Variants in NLGN1 observed in about 807,000 individuals in gnomAD.
NLGN1 encodes neuroligin-1.
Under a neutral mutation model 65.5 loss-of-function variants are expected in NLGN1, and 12 were observed. The ratio of observed to expected loss-of-function variants is 0.18; its 90% CI spans 0.12 to 0.30. The LOEUF (loss-of-function observed/expected upper bound fraction) is 0.30. NLGN1 is among the 10% of genes least tolerant of loss of function. The pLI, the probability that NLGN1 is intolerant of heterozygous loss-of-function variation, is 1.00. For missense variants in NLGN1, 750 were observed against 1,007.1 expected (o/e 0.74, Z 3.46); for synonymous variants, 350 against 359.5 (o/e 0.97, Z 0.30).
At chr3:173,625,334 C>T (rs886474148) in intron 3 of NLGN1, among the ~76,000 whole-genome samples, 2 of 152,038 alleles carry the variant, frequency 1.3e-5, no homozygotes, top group African/African-American at 4.8e-5. Flanking sequence ...TAACTATTTC[C>T]TGTCCCCTCC....
intron 4 of NLGN1, among the ~76,000 whole-genome samples, chr3:173,992,191 G>A (rs1016895383): frequency 3.3e-5 from 5 of 151,916 alleles, no homozygotes; most frequent in South Asian, 4.2e-4. Flanking sequence ...ATTGTTACCC[G>A]CACACACACA....
chr3:174,084,252 T>G (rs1275643366), intron 4 of NLGN1, among the ~76,000 whole-genome samples: 1 of 152,160 alleles, frequency 6.6e-6, no homozygotes, highest in Non-Finnish European at 1.5e-5. Flanking sequence ...AGAGTTTTCC[T>G]CCTTTACAGT....
chr3:174,271,364 T>TAAG (rs1749371942), intron 4 of NLGN1, among the ~76,000 whole-genome samples: 2 of 151,686 alleles, frequency 1.3e-5, no homozygotes, highest in Admixed American at 6.6e-5. Flanking sequence ...GTAAGAGACC[T>TAAG]AAGTATAAAT....
At chr3:173,703,788 T>C (rs1349473838) in intron 3 of NLGN1, among the ~76,000 whole-genome samples, 1 of 152,324 alleles carries the variant, frequency 6.6e-6, no homozygotes, top group Non-Finnish European at 1.5e-5. Context: ...ACGCCAGAAA[T>C]ATGGGATTCG....
At chr3:174,095,256 A>G (rs1745260329) in intron 4 of NLGN1, among the ~76,000 whole-genome samples, 1 of 146,178 alleles carries the variant, frequency 6.8e-6, no homozygotes. Flanking sequence ...TGCTTTATGA[A>G]AAATAAATTA....
intron 4 of NLGN1, among the ~76,000 whole-genome samples, chr3:173,935,620 A>ACTCT (rs1209463253): frequency 4.0e-4 from 47 of 116,654 alleles, no homozygotes; most frequent in African/African-American, 1.3e-3. Context: ...ACACACACAC[A>ACTCT]CACTCTCTCT....
intron 2 of NLGN1, among the ~76,000 whole-genome samples, chr3:173,526,601 A>G (rs1735679697): frequency 6.6e-6 from 1 of 152,312 alleles, no homozygotes; most frequent in Admixed American, 6.5e-5. Flanking sequence ...TTGTGTTACA[A>G]ACAATCCAAT....
chr3:173,752,402 C>A, intron 3 of NLGN1, among the ~76,000 whole-genome samples: 1 of 152,014 alleles, frequency 6.6e-6, no homozygotes. Context: ...CCTCCCTGAT[C>A]TTGCTGTCAA....
At chr3:173,434,137 A>G (rs1424845242) in intron 1 of NLGN1, among the ~76,000 whole-genome samples, 1 of 152,176 alleles carries the variant, frequency 6.6e-6, no homozygotes, top group Non-Finnish European at 1.5e-5. Context: ...AGAGGTGGGG[A>G]ATTAGAAAAT....
intron 4 of NLGN1, among the ~76,000 whole-genome samples, chr3:173,908,991 T>C (rs538365035): frequency 2.6e-4 from 40 of 152,042 alleles, no homozygotes; most frequent in Non-Finnish European, 5.3e-4. Context: ...TAAGAATCAT[T>C]AGTCTTTCCC....
chr3:173,507,466 A>G (rs530476051), intron 2 of NLGN1, among the ~76,000 whole-genome samples: 2 of 152,300 alleles, frequency 1.3e-5, no homozygotes, highest in South Asian at 2.1e-4. Context: ...AGGAGAAAAT[A>G]TATTTGAATT....
At chr3:174,124,439 C>T (rs1718420086) in intron 4 of NLGN1, among the ~76,000 whole-genome samples, 1 of 150,960 alleles carries the variant, frequency 6.6e-6, no homozygotes, top group East Asian at 2.0e-4. Flanking sequence ...AGTCCCTGTT[C>T]TATGGGAGAG....
chr3:174,158,821 A>G (rs190496127), intron 4 of NLGN1, among the ~76,000 whole-genome samples: 2 of 150,834 alleles, frequency 1.3e-5, no homozygotes, highest in Admixed American at 6.6e-5. Flanking sequence ...ATGCCAGTTC[A>G]TCATGTCCTG....
At chr3:174,253,206 C>A (rs992782455) in intron 4 of NLGN1, among the ~76,000 whole-genome samples, 1 of 152,036 alleles carries the variant, frequency 6.6e-6, no homozygotes, top group African/African-American at 2.4e-5. Context: ...AAAATGAATT[C>A]TGTACTTGTA....
rs1388172207 is a variant in NLGN1, at chr3:173,927,703, C to T, written c.646+119871C>T. On this transcript the variant is annotated intron_variant, in intron 4 of 6. Transcript: ENST00000457714. ...AGACAAGGGGGACATTGTTCTCCCA[C>T]TCTCAACTGCCGCTCCAGAAAACAC... 3.3e-5 allele frequency among the ~76,000 whole-genome samples: 5 copies of T among 152,106 alleles called. No individual in the cohort carries two copies. The East Asian group carries it at 9.6e-4, about 29-fold the overall frequency.
At chr3:174,207,535 T>C (rs2152784907) in intron 4 of NLGN1, among the ~76,000 whole-genome samples, 1 of 152,338 alleles carries the variant, frequency 6.6e-6, no homozygotes, top group East Asian at 1.9e-4. Context: ...GCCAAATGTG[T>C]GAACTGAATG....
intron 4 of NLGN1, among the ~76,000 whole-genome samples, chr3:174,128,166 AT>A (rs1168023075): frequency 1.3e-5 from 2 of 152,092 alleles, no homozygotes; most frequent in African/African-American, 4.8e-5. Flanking sequence ...AACACTCTCA[AT>A]TTTTAATTTT....
At chr3:174,269,565 A>T (rs1748948486) in intron 4 of NLGN1, among the ~76,000 whole-genome samples, 1 of 151,716 alleles carries the variant, frequency 6.6e-6, no homozygotes. Context: ...TATTTTCTTT[A>T]TCTGTATTTT....
chr3:174,005,332 T>C (rs1377478238), intron 4 of NLGN1, among the ~76,000 whole-genome samples: 1 of 152,180 alleles, frequency 6.6e-6, no homozygotes, highest in African/African-American at 2.4e-5. Context: ...TGTTACTAAT[T>C]GGAAAATCCA....
Sources: gnomAD v4.1 joint callset for allele counts (sites outside exome capture counted in the v4.1 genomes callset) on GRCh38, gnomAD v4.1.1 for gene constraint, MANE v1.5 for transcripts, NCBI Gene and HGNC (gene_info 2026-07-23, HGNC 2026-07-21) for gene names.